Variants in ZNF254 observed in about 807,000 individuals in gnomAD.
ZNF254 encodes CTD-2017D11.1.
In ZNF254, 10 loss-of-function variants were observed where a neutral mutation model predicts 12.4. The ratio of observed to expected loss-of-function variants is 0.80; its 90% CI spans 0.50 to 1.36. The LOEUF (loss-of-function observed/expected upper bound fraction) is 1.36. ZNF254 is among the 40% of genes most tolerant of loss of function. ZNF254 has a pLI of 0.00. For synonymous variants in ZNF254, 305 were observed against 253.4 expected (o/e 1.20, Z -1.93); for missense variants, 996 against 763.9 (o/e 1.30, Z -3.58).
At chr19:24,057,550 C>T (rs1453524010) in intron 2 of ZNF254, among the ~76,000 whole-genome samples, 8 of 152,318 alleles carry the variant, frequency 5.3e-5, no homozygotes, top group Admixed American at 2.0e-4. Flanking sequence ...TAACTAGGCT[C>T]ATTGTACAGT....
chr19:24,054,373 A>G (rs574823125), intron 2 of ZNF254, among the ~76,000 whole-genome samples: 142 of 152,176 alleles, frequency 9.3e-4, no homozygotes, highest in African/African-American at 3.3e-3. Context: ...TGGAATGATG[A>G]CTCTCATACC....
At chr19:24,125,176 C>A (rs867790213) in intron 3 of ZNF254, among the ~76,000 whole-genome samples, 7 of 147,046 alleles carry the variant, frequency 4.8e-5, no homozygotes, top group African/African-American at 1.7e-4. Flanking sequence ...TTATAAATAT[C>A]TTTTTGTTAT....
intron 3 of ZNF254, 116 bp from the exon 4 acceptor site, chr19:24,126,138 T>G: frequency 3.2e-6 from 2 of 634,140 alleles, no homozygotes; most frequent in Non-Finnish European, 2.4e-6. Flanking sequence ...GCCTGTGGTA[T>G]TTTGCAATGC....
intron 3 of ZNF254, among the ~76,000 whole-genome samples, chr19:24,124,627 CAATT>C (rs976712633): frequency 6.6e-5 from 10 of 151,890 alleles, no homozygotes; most frequent in African/African-American, 9.7e-5. Context: ...GTATTATTCT[CAATT>C]AATTAAACCT....
intron 2 of ZNF254, among the ~76,000 whole-genome samples, chr19:24,072,639 TG>T (rs2145505269): frequency 6.6e-6 from 1 of 152,338 alleles, no homozygotes; most frequent in East Asian, 1.9e-4. Context: ...ATCTGCACCA[TG>T]ACCACACAGA....
chr19:24,096,480 A>G (rs536099931), intron 1 of ZNF254, among the ~76,000 whole-genome samples: 23 of 152,110 alleles, frequency 1.5e-4, no homozygotes, highest in African/African-American at 5.5e-4. Context: ...CAGTTGTTTT[A>G]TTTTTATTGA....
At chr19:24,055,267 TTTTCTC>T (rs1970806033) in intron 2 of ZNF254, among the ~76,000 whole-genome samples, 1 of 141,080 alleles carries the variant, frequency 7.1e-6, no homozygotes, top group African/African-American at 2.6e-5. Context: ...ACAGAGGAGA[TTTTCTC>T]TTTTTCTTTT....
chr19:24,092,040 T>A (rs1379319726), intron 1 of ZNF254: 1 of 152,938 alleles, frequency 6.5e-6, no homozygotes, highest in Non-Finnish European at 1.4e-5. Context: ...GCCCAGCTAA[T>A]TTTTTGTATT....
At chr19:24,039,689 G>A (rs977509506) in intron 1 of ZNF254, among the ~76,000 whole-genome samples, 2 of 152,252 alleles carry the variant, frequency 1.3e-5, no homozygotes, top group Non-Finnish European at 2.9e-5. Context: ...AAACAGTCAT[G>A]GACTCTACTA....
intron 2 of ZNF254, chr19:24,065,552 T>G (rs1463155983): frequency 1.3e-5 from 2 of 152,192 alleles, no homozygotes; most frequent in Non-Finnish European, 2.9e-5. Context: ...GCAGGATTGT[T>G]AATTCATTAC....
At chr19:24,052,844 A>G (rs1014307304) in intron 2 of ZNF254, among the ~76,000 whole-genome samples, 3 of 152,202 alleles carry the variant, frequency 2.0e-5, no homozygotes, top group Non-Finnish European at 4.4e-5. Context: ...TCATACCTCT[A>G]AACAACCAAT....
chr19:24,058,347 T>C (rs188381817), intron 2 of ZNF254, among the ~76,000 whole-genome samples: 3 of 152,264 alleles, frequency 2.0e-5, no homozygotes, highest in East Asian at 3.9e-4. Context: ...ACATTAGGCA[T>C]TGGGACATAT....
At chr19:24,034,370 A>G (rs914529624) in intron 1 of ZNF254, among the ~76,000 whole-genome samples, 2 of 151,844 alleles carry the variant, frequency 1.3e-5, no homozygotes, top group African/African-American at 4.8e-5. Flanking sequence ...CCACAGGCAG[A>G]TGCAGTTGGG....
intron 2 of ZNF254, among the ~76,000 whole-genome samples, chr19:24,070,745 C>T (rs2145488975): frequency 6.6e-6 from 1 of 152,274 alleles, no homozygotes; most frequent in African/African-American, 2.4e-5. Flanking sequence ...CCTGCCTGGG[C>T]CTGGCACACA....
chr19:24,117,199 G>A (rs894289177), intron 3 of ZNF254, among the ~76,000 whole-genome samples: 1 of 152,134 alleles, frequency 6.6e-6, no homozygotes, highest in Non-Finnish European at 1.5e-5. Context: ...CCAGCTGTGT[G>A]TTGGGAGAAC....
At chr19:24,045,619 G>A (rs970006106) in intron 1 of ZNF254, among the ~76,000 whole-genome samples, 1 of 145,538 alleles carries the variant, frequency 6.9e-6, no homozygotes, top group Non-Finnish European at 1.5e-5. Flanking sequence ...AGTGAGCTGA[G>A]ATCGCGCCAC....
At chr19:24,108,425 A>G (rs1816138968) in intron 3 of ZNF254, among the ~76,000 whole-genome samples, 1 of 152,212 alleles carries the variant, frequency 6.6e-6, no homozygotes, top group African/African-American at 2.4e-5. Flanking sequence ...CTGCCTTCTG[A>G]AAAGGGTTAC....
chr19:24,078,632 C>A (rs975569806), intron 2 of ZNF254: 1 of 152,054 alleles, frequency 6.6e-6, no homozygotes, highest in East Asian at 1.9e-4. Flanking sequence ...TGAGGGCTGG[C>A]CTGGAACATT....
chr19:24,050,162 T>G (rs541577764), intron 2 of ZNF254, among the ~76,000 whole-genome samples: 2 of 152,154 alleles, frequency 1.3e-5, no homozygotes, highest in African/African-American at 4.8e-5. Flanking sequence ...ATTTTATTTA[T>G]TTTAATTTTA....
Sources: gnomAD v4.1 joint callset for allele counts (sites outside exome capture counted in the v4.1 genomes callset) on GRCh38, gnomAD v4.1.1 for gene constraint, MANE v1.5 for transcripts, NCBI Gene and HGNC (gene_info 2026-07-23, HGNC 2026-07-21) for gene names.